The following ATXN1 variants were observed in gnomAD, a reference collection of about 807,000 sequenced individuals.
ATXN1 encodes the protein ataxin-1.
A neutral mutation model predicts 56.4 loss-of-function variants in ATXN1; 8 were observed. The ratio of observed to expected loss-of-function variants is 0.14; its 90% CI spans 0.08 to 0.26. The LOEUF (loss-of-function observed/expected upper bound fraction) is 0.26, where lower values mean the gene tolerates loss of function less well. ATXN1 is among the 10% of genes least tolerant of loss of function. The pLI is 1.00. For synonymous variants in ATXN1, 514 were observed against 494.6 expected (o/e 1.04, Z -0.52); for missense variants, 987 against 1,106.5 (o/e 0.89, Z 1.53).
chr6:16,429,455 T>C (rs1759233091), intron 6 of ATXN1, among the ~76,000 whole-genome samples: 1 of 134,260 alleles, frequency 7.4e-6, no homozygotes. Context: ...AGAAAGAGTC[T>C]CCTCCAGGCT....
Position 16,511,897 on chromosome 6 carries a change from T to C in ATXN1, c.-299+10730A>G, listed in dbSNP as rs371032979. Among the ~76,000 whole-genome samples, 67 of 152,306 alleles carry C rather than the reference T, an allele frequency of 4.4e-4. No homozygotes were observed. In the Middle Eastern group the frequency reaches 0.01, roughly 23 times the overall value. ...GTCCCAGGCCACCGCCCTGCCTTAG[T>C]GGGTGTCTTTGCCACGAGGTGGCCT... On this transcript the variant is annotated intron_variant, in intron 5 of 7. Transcript: ENST00000436367.
intron 3 of ATXN1, among the ~76,000 whole-genome samples, chr6:16,636,929 A>T (rs555341419): frequency 2.6e-4 from 40 of 152,328 alleles, no homozygotes; most frequent in Middle Eastern, 3.4e-3. Context: ...ATTGTGGAAG[A>T]CAGTGTGGCG....
chr6:16,473,053 C>G (rs1223014093), intron 6 of ATXN1, among the ~76,000 whole-genome samples: 1 of 152,064 alleles, frequency 6.6e-6, no homozygotes, highest in Non-Finnish European at 1.5e-5. Context: ...GAAGGTGTCC[C>G]TCAAGGAAAA....
In ATXN1 at chr6:16,497,660, G is replaced by C. The variant is rs868657499; in HGVS notation, c.-298-11551C>G. ...TAACATTCCTTGGTGACAGTGCAAT[G>C]GACGAGTCCAGCCTGGTGGCAGGGC... On this transcript the variant is annotated intron_variant, in intron 5 of 7. Coordinates refer to ENST00000436367, the MANE Select transcript of ATXN1 (RefSeq NM_001128164.2). Among the ~76,000 whole-genome samples, 2 of 152,288 alleles carry C rather than the reference G, an allele frequency of 1.3e-5. 1 individual carries two copies. Among genetic ancestry groups the C allele is most frequent in the South Asian group, 4.1e-4 (2 of 4,822 alleles).
At chr6:16,411,877 A>C (rs1561885960) in intron 6 of ATXN1, among the ~76,000 whole-genome samples, 2 of 152,172 alleles carry the variant, frequency 1.3e-5, no homozygotes, top group Non-Finnish European at 2.9e-5. Context: ...CTTTGTGTTT[A>C]AGTTGTTCTT....
intron 2 of ATXN1, among the ~76,000 whole-genome samples, chr6:16,724,609 C>T (rs558894632): frequency 7.7e-4 from 117 of 152,278 alleles, no homozygotes; most frequent in African/African-American, 2.7e-3. Flanking sequence ...CATTCAGACC[C>T]GAGTTCTATG....
intron 6 of ATXN1, among the ~76,000 whole-genome samples, chr6:16,408,138 A>G (rs563873812): frequency 3.2e-4 from 49 of 152,322 alleles, no homozygotes; most frequent in African/African-American, 1.1e-3. Flanking sequence ...TGAGGCCACC[A>G]TGTTTTGTGG....
At chr6:16,621,403 C>CGT (rs924020788) in intron 3 of ATXN1, among the ~76,000 whole-genome samples, 2 of 152,172 alleles carry the variant, frequency 1.3e-5, no homozygotes, top group African/African-American at 4.8e-5. Context: ...GGAGACACAA[C>CGT]TATTTATCAA....
At chr6:16,356,070 A>G (rs949211599) in intron 6 of ATXN1, among the ~76,000 whole-genome samples, 19 of 152,186 alleles carry the variant, frequency 1.2e-4, no homozygotes, top group African/African-American at 4.3e-4. Context: ...AGTAATTTAG[A>G]CACATTGCCT....
intron 4 of ATXN1, among the ~76,000 whole-genome samples, chr6:16,556,454 G>A (rs1230989143): frequency 6.6e-6 from 1 of 152,158 alleles, no homozygotes; most frequent in African/African-American, 2.4e-5. Flanking sequence ...TTCCTTTATA[G>A]CACAGACTTC....
At chr6:16,416,702 T>C (rs1758915456) in intron 6 of ATXN1, among the ~76,000 whole-genome samples, 1 of 152,210 alleles carries the variant, frequency 6.6e-6, no homozygotes. Flanking sequence ...CTGTATCCAA[T>C]ACCTCTGACC....
At chr6:16,450,077 T>C (rs1363374956) in intron 6 of ATXN1, among the ~76,000 whole-genome samples, 3 of 152,326 alleles carry the variant, frequency 2.0e-5, no homozygotes, top group Non-Finnish European at 4.4e-5. Context: ...AAGATTGTGT[T>C]TGAAAAAGAA....
At chr6:16,686,033 TTC>T (rs578009174) in intron 2 of ATXN1, among the ~76,000 whole-genome samples, 37 of 152,300 alleles carry the variant, frequency 2.4e-4, no homozygotes, top group South Asian at 6.2e-4. Context: ...TAATGAAAAG[TTC>T]TGTTTTTTTT....
At chr6:16,346,074 TTTA>T (rs1028605722) in intron 6 of ATXN1, among the ~76,000 whole-genome samples, 2 of 152,126 alleles carry the variant, frequency 1.3e-5, no homozygotes, top group African/African-American at 4.8e-5. Context: ...TATTTATTTA[TTTA>T]TTTATTTTGA....
intron 6 of ATXN1, among the ~76,000 whole-genome samples, chr6:16,359,123 C>G (rs1203286107): frequency 6.6e-6 from 1 of 152,240 alleles, no homozygotes; most frequent in Non-Finnish European, 1.5e-5. Context: ...ACTCAGATCT[C>G]AGAGCTGGGT....
At chr6:16,707,784 A>C (rs1759437958) in intron 2 of ATXN1, among the ~76,000 whole-genome samples, 1 of 152,224 alleles carries the variant, frequency 6.6e-6, no homozygotes, top group South Asian at 2.1e-4. Context: ...GATAATTTTT[A>C]GACATAAAGG....
At chr6:16,309,510 GAA>G (rs1760339303) in intron 7 of ATXN1, among the ~76,000 whole-genome samples, 1 of 152,018 alleles carries the variant, frequency 6.6e-6, no homozygotes, top group Non-Finnish European at 1.5e-5. Flanking sequence ...CACATAATTT[GAA>G]TCCTAGGAGG....
chr6:16,689,316 G>GT (rs1481056967), intron 2 of ATXN1, among the ~76,000 whole-genome samples: 1 of 151,674 alleles, frequency 6.6e-6, no homozygotes, highest in Non-Finnish European at 1.5e-5. Context: ...TTATATTGTT[G>GT]TAAGTTTTTA....
intron 4 of ATXN1, among the ~76,000 whole-genome samples, chr6:16,527,946 A>G (rs1177233836): frequency 1.3e-5 from 2 of 152,148 alleles, no homozygotes; most frequent in Admixed American, 6.5e-5. Flanking sequence ...CCGCTTTTAC[A>G]TGAGTGAGCA....
Sources: allele counts gnomAD v4.1 joint callset (sites outside exome capture counted in the v4.1 genomes callset), GRCh38; gene constraint gnomAD v4.1.1; transcripts MANE v1.5; gene names NCBI Gene and HGNC (gene_info 2026-07-23, HGNC 2026-07-21).